ONECUT2: variants seen among roughly 807,000 people sequenced by gnomAD.
The protein encoded by ONECUT2 is one cut domain family member 2.
Under a neutral mutation model 27.9 loss-of-function variants are expected in ONECUT2, and 10 were observed. That is an observed-to-expected ratio of 0.36 (90% CI 0.22 to 0.61). The LOEUF is 0.61. Ranked by LOEUF, ONECUT2 falls within the 20% of genes least tolerant of loss-of-function variation. The pLI, the probability that ONECUT2 is intolerant of heterozygous loss-of-function variation, is 0.73. For synonymous variants in ONECUT2, 334 were observed against 315.1 expected (o/e 1.06, Z -0.64); for missense variants, 686 against 721.0 (o/e 0.95, Z 0.56).
rs369952701 is a variant in ONECUT2 at position 57,485,519 on chromosome 18, C to A, written c.*8796C>A. On this transcript the variant is annotated 3_prime_UTR_variant, in exon 2 of 2. Transcript: ENST00000491143. ...AAATGATTAAATCACTATTAAGAGCCATTCATCAACGTGATTTGTGTGTTA... is the reference window on the plus strand; with the variant it reads ...AAATGATTAAATCACTATTAAGAGCAATTCATCAACGTGATTTGTGTGTTA... 1 of 152,244 alleles carries A rather than the reference C, an allele frequency of 6.6e-6. No homozygotes were observed. Among genetic ancestry groups the A allele is most frequent in the South Asian group, 2.1e-4 (1 of 4,826 alleles). The allele number at this position is 152,244 out of a possible 1,614,324, so 9.4% of individuals were successfully genotyped here.
Position 57,436,220 on chromosome 18 carries a change from C to A in ONECUT2, c.504C>A (p.His168Gln). The A allele has an allele frequency of 1.2e-6, 2 of 1,604,196 alleles. No individual in the cohort carries two copies. The highest frequency in any genetic ancestry group is 1.7e-6 in the Non-Finnish European group (2 of 1,177,574). The change falls in exon 1 of 2, where the codon CAC (histidine) becomes CAA (glutamine). Residue 168 changes from histidine (H) to glutamine (Q), a missense_variant. Coordinates refer to ENST00000491143, the MANE Select transcript of ONECUT2 (RefSeq NM_004852.3). This position sits in a 1 kb window ranked among gnomAD's most constrained non-coding sequence, Gnocchi z 5.9. ...PPISTVSDKFHHPHPHHHPHH... is the reference protein window; with the variant it reads ...PPISTVSDKFQHPHPHHHPHH... The stretch of plus-strand genomic sequence containing the variant: ...TCTCCACCGTGTCTGACAAGTTCCA[C>A]CACCCTCACCCGCACCACCATCCGC...
rs748461693 is a variant in ONECUT2, at chr18:57,478,940, C to G, written c.*2217C>G. ...TCAATTTTGTCTTATGGTTTTTTGC[C>G]CCAACATGGAATCTCTCAAAAGTTT... On this transcript the variant is annotated 3_prime_UTR_variant, in exon 2 of 2. Coordinates refer to ENST00000491143, the MANE Select transcript of ONECUT2 (RefSeq NM_004852.3). 6.6e-6 allele frequency: 1 copy of G among 152,318 alleles called. No individual in the cohort carries two copies. The highest frequency in any genetic ancestry group is 1.5e-5 in the Non-Finnish European group (1 of 67,972). 9.4% of individuals were successfully genotyped at this position (152,318 alleles called of 1,614,324 possible). A position where few individuals can be genotyped will look rare whatever the true frequency, so the allele number is the denominator to read the frequency against.
At chr18:57,441,327 G>A (rs2050173010) in intron 1 of ONECUT2, among the ~76,000 whole-genome samples, 1 of 152,246 alleles carries the variant, frequency 6.6e-6, no homozygotes, top group Non-Finnish European at 1.5e-5. Flanking sequence ...AAGCCCGACG[G>A]CGCGCTCTTC....
At chr18:57,450,462 C>T (rs2144310745) in intron 1 of ONECUT2, among the ~76,000 whole-genome samples, 1 of 152,354 alleles carries the variant, frequency 6.6e-6, no homozygotes, top group Middle Eastern at 3.4e-3. Flanking sequence ...GCGTGAGCCA[C>T]TGCACCCAAC....
intron 1 of ONECUT2, among the ~76,000 whole-genome samples, chr18:57,451,942 G>C (rs201499178): frequency 6.6e-6 from 1 of 151,062 alleles, no homozygotes; most frequent in South Asian, 2.1e-4. Flanking sequence ...CATGAGGAAT[G>C]GGGGGGGCGG....
intron 1 of ONECUT2, among the ~76,000 whole-genome samples, chr18:57,453,680 G>A (rs924142754): frequency 1.8e-4 from 6 of 32,564 alleles, no homozygotes; most frequent in Non-Finnish European, 3.6e-4. Context: ...TGCATTAGCC[G>A]GAGTCATAGG....
rs548752028 is a variant in ONECUT2, at chr18:57,448,591, C to T, written c.1228+11647C>T. ...GCTGTGTAGTCTTCGAATCTGTGGA[C>T]GTGCCTTTCTCAGGAGTTGTTGGGT... On this transcript the variant is annotated intron_variant, in intron 1 of 1. Coordinates refer to ENST00000491143, the MANE Select transcript of ONECUT2 (RefSeq NM_004852.3). Among the ~76,000 whole-genome samples the T allele has an allele frequency of 5.9e-5, 9 of 152,280 alleles. No individual in the cohort carries two copies. In the South Asian group the frequency reaches 6.2e-4, roughly 11 times the overall value.
chr18:57,455,766 A>G (rs570535282), intron 1 of ONECUT2, among the ~76,000 whole-genome samples: 1 of 152,100 alleles, frequency 6.6e-6, no homozygotes, highest in Non-Finnish European at 1.5e-5. Flanking sequence ...GGAGGGGTCT[A>G]GGGAAACAGA....
chr18:57,443,265 G>A (rs895494152), intron 1 of ONECUT2, among the ~76,000 whole-genome samples: 42 of 152,314 alleles, frequency 2.8e-4, no homozygotes, highest in South Asian at 4.1e-4. Context: ...ATAATTGCCT[G>A]TATAAAGGGC....
chr18:57,442,057 A>G (rs964648345), intron 1 of ONECUT2, among the ~76,000 whole-genome samples: 3 of 149,458 alleles, frequency 2.0e-5, no homozygotes, highest in Non-Finnish European at 4.4e-5. Context: ...ACCTGCATTG[A>G]CTGGAAAAGA....
chr18:57,455,743 G>C (rs895439192), intron 1 of ONECUT2, among the ~76,000 whole-genome samples: 1 of 152,178 alleles, frequency 6.6e-6, no homozygotes, highest in Non-Finnish European at 1.5e-5. Flanking sequence ...CCTGCAGTGA[G>C]GACTGGTCCT....
Position 57,435,671 on chromosome 18 carries a change from C to T in ONECUT2, c.-46C>T. The stretch of plus-strand genomic sequence containing the variant: ...CGCCACGCGCGCCTTGCCCGCCCGC[C>T]GGCCGCCCCCGCCGCCCCCGCCGCC... On this transcript the variant is annotated 5_prime_UTR_variant, in exon 1 of 2. Coordinates refer to ENST00000491143, the MANE Select transcript of ONECUT2 (RefSeq NM_004852.3). 3.9e-6 allele frequency: 4 copies of T among 1,015,104 alleles called. No individual in the cohort carries two copies. The highest frequency in any genetic ancestry group is 4.8e-6 in the Non-Finnish European group (4 of 839,112). The allele number at this position is 1,015,104 out of a possible 1,614,324, so 62.9% of individuals were successfully genotyped here.
At chr18:57,470,534 C>A (rs948205917) in intron 1 of ONECUT2, among the ~76,000 whole-genome samples, 3 of 152,250 alleles carry the variant, frequency 2.0e-5, no homozygotes, top group Admixed American at 6.5e-5. Flanking sequence ...CCTCACTGTG[C>A]CTTCAGTTCC....
chr18:57,475,587 G>A (rs571172216), intron 1 of ONECUT2, among the ~76,000 whole-genome samples: 1 of 152,252 alleles, frequency 6.6e-6, no homozygotes, highest in East Asian at 1.9e-4. Flanking sequence ...TGCCTTCTAG[G>A]AACTTGTAGG....
intron 1 of ONECUT2, among the ~76,000 whole-genome samples, chr18:57,441,333 T>C (rs1165739923): frequency 6.6e-6 from 1 of 152,220 alleles, no homozygotes; most frequent in African/African-American, 2.4e-5. Context: ...GACGGCGCGC[T>C]CTTCCCAGCA....
intron 1 of ONECUT2, among the ~76,000 whole-genome samples, chr18:57,446,377 C>T (rs117327520): frequency 0.014 from 2,103 of 152,218 alleles, 30 homozygotes; most frequent in Middle Eastern, 0.034. Context: ...ATTGTGCAAA[C>T]GGTGCTTTTA....
At chr18:57,455,982 G>A (rs550042463) in intron 1 of ONECUT2, among the ~76,000 whole-genome samples, 12 of 152,318 alleles carry the variant, frequency 7.9e-5, no homozygotes, top group South Asian at 2.1e-4. Context: ...TTGGAAACCC[G>A]GTTCCCTCTC....
chr18:57,464,815 T>C (rs761861922), intron 1 of ONECUT2, among the ~76,000 whole-genome samples: 20 of 152,226 alleles, frequency 1.3e-4, no homozygotes, highest in Non-Finnish European at 2.1e-4. Flanking sequence ...CGTAGCCACA[T>C]AGGGCTGTTG....
rs1412987249 is a variant in ONECUT2, at chr18:57,476,911, A to C, written c.*188A>C. On this transcript the variant is annotated 3_prime_UTR_variant, in exon 2 of 2. Transcript: ENST00000491143. ...GGCCAGGTGTTCTTCTTTTGTTTTTAATGGCTATGGAGTCCAAGTGCAAGC... is the reference window on the plus strand; with the variant it reads ...GGCCAGGTGTTCTTCTTTTGTTTTTCATGGCTATGGAGTCCAAGTGCAAGC... 4 of 679,430 alleles carry C rather than the reference A, an allele frequency of 5.9e-6. No individual in the cohort carries two copies. Among genetic ancestry groups the C allele is most frequent in the Non-Finnish European group, 9.7e-6 (4 of 411,710 alleles). 42.1% of individuals were successfully genotyped at this position (679,430 alleles called of 1,614,324 possible). A position where few individuals can be genotyped will look rare whatever the true frequency, so the allele number is the denominator to read the frequency against.
Sources: gnomAD v4.1 joint callset for allele counts (sites outside exome capture counted in the v4.1 genomes callset) on GRCh38, gnomAD v4.1.1 for gene constraint, Gnocchi (gnomAD v3.1) non-coding constraint, MANE v1.5 for transcripts, NCBI Gene and HGNC (gene_info 2026-07-23, HGNC 2026-07-21) for gene names.